Variants in SMCO2 observed in about 807,000 individuals in gnomAD.
The protein encoded by SMCO2 is single-pass membrane protein with coiled-coil domains 2, also known as single-pass membrane and coiled-coil domain-containing protein 2.
SMCO2 carries 25 observed loss-of-function variants against 29.5 expected under a neutral mutation model. The observed-to-expected ratio is 0.85, with a 90% CI of 0.62 to 1.18. The LOEUF is 1.18. Ranked by LOEUF, SMCO2 falls within the 50% of genes most tolerant of loss-of-function variation. The pLI is 0.00. For synonymous variants in SMCO2, 117 were observed against 123.3 expected (o/e 0.95, Z 0.34); for missense variants, 348 against 344.5 (o/e 1.01, Z -0.08).
intron 4 of SMCO2, among the ~76,000 whole-genome samples, chr12:27,480,020 C>A (rs575380036): frequency 1.2e-4 from 18 of 152,254 alleles, no homozygotes; most frequent in Admixed American, 9.8e-4. Flanking sequence ...CCAGGGAAGC[C>A]AACAGCATAG....
chr12:27,468,734 A>C (rs920884667), intron 1 of SMCO2, among the ~76,000 whole-genome samples: 13 of 152,224 alleles, frequency 8.5e-5, no homozygotes, highest in African/African-American at 3.1e-4. Context: ...AGTAGCTGTG[A>C]GGACATGGAA....
chr12:27,437,686 G>A, the SMCO2 span, among the ~76,000 whole-genome samples: 1 of 152,046 alleles, frequency 6.6e-6, no homozygotes, highest in Non-Finnish European at 1.5e-5. Context: ...AAGAATCTAT[G>A]CACAGAGCTC....
intron 5 of SMCO2, among the ~76,000 whole-genome samples, chr12:27,491,413 T>C (rs1266845798): frequency 3.3e-5 from 5 of 152,148 alleles, no homozygotes; most frequent in Admixed American, 3.3e-4. Context: ...CCCAGTTATC[T>C]TTGATAAGTG....
At chr12:27,497,332 C>A in intron 7 of SMCO2, 1 of 173,846 alleles carries the variant, frequency 5.8e-6, no homozygotes, top group East Asian at 1.5e-4. Flanking sequence ...AATAATTCTT[C>A]TGTCAAGATA....
At chr12:27,484,946 C>G (rs991138596) in intron 4 of SMCO2, among the ~76,000 whole-genome samples, 1 of 129,446 alleles carries the variant, frequency 7.7e-6, no homozygotes, top group African/African-American at 2.7e-5. Context: ...CTTAATTTTT[C>G]TTTTGTTAAG....
At chr12:27,470,886 A>G (rs1949535826) in intron 2 of SMCO2, 121 bp downstream of exon 2, 3 of 1,128,838 alleles carry the variant, frequency 2.7e-6, no homozygotes, top group Non-Finnish European at 3.6e-6. Flanking sequence ...AGTCTTCACT[A>G]TAATTTATCT....
the SMCO2 span, among the ~76,000 whole-genome samples, chr12:27,460,921 C>T: frequency 5.9e-5 from 9 of 152,308 alleles, no homozygotes; most frequent in South Asian, 1.9e-3. Context: ...AAGGAAGACA[C>T]GGTTTCTGTG....
chr12:27,484,380 C>CA (rs1187353802), intron 4 of SMCO2, among the ~76,000 whole-genome samples: 2 of 151,672 alleles, frequency 1.3e-5, no homozygotes, highest in African/African-American at 4.8e-5. Context: ...CTCTCAAAAA[C>CA]AAAAAACAAA....
At chr12:27,464,716 CAAAAAAAA>C (rs767874837), upstream of SMCO2, among the ~76,000 whole-genome samples, 2 of 46,130 alleles carry the variant, frequency 4.3e-5, no homozygotes, top group South Asian at 1.5e-3. Flanking sequence ...GACCCTGTCT[CAAAAAAAA>C]AAAAAAAAAA....
At chr12:27,474,650 A>G in intron 3 of SMCO2, 136 bp from the exon 4 acceptor site, 1 of 947,732 alleles carries the variant, frequency 1.1e-6, no homozygotes, top group East Asian at 2.7e-5. Context: ...TAGCTTACAG[A>G]TGCATCAGAA....
intron 4 of SMCO2, among the ~76,000 whole-genome samples, chr12:27,478,646 A>G (rs1473911922): frequency 6.6e-6 from 1 of 152,062 alleles, no homozygotes; most frequent in Non-Finnish European, 1.5e-5. Context: ...GCTGGTCCCT[A>G]AGCCCCCAGG....
chr12:27,500,148 AT>A (rs34538178), intron 7 of SMCO2, among the ~76,000 whole-genome samples: 20,063 of 149,278 alleles, frequency 0.13, 2,753 homozygotes, highest in East Asian at 0.28. Context: ...TTAGTTAACT[AT>A]TTTTTTTTCC....
chr12:27,463,806 C>A (rs1021116897), upstream of SMCO2, among the ~76,000 whole-genome samples: 2 of 152,082 alleles, frequency 1.3e-5, no homozygotes, highest in Non-Finnish European at 2.9e-5. Flanking sequence ...ATGTAATATG[C>A]AATGTGTCGT....
chr12:27,438,331 A>G, the SMCO2 span, among the ~76,000 whole-genome samples: 1 of 152,100 alleles, frequency 6.6e-6, no homozygotes, highest in African/African-American at 2.4e-5. Flanking sequence ...CTTTACTACC[A>G]TTAATTGATG....
At chr12:27,492,875 ATGAACGTGAATGTTCAC>A (rs1450728987) in intron 5 of SMCO2, among the ~76,000 whole-genome samples, 1 of 152,224 alleles carries the variant, frequency 6.6e-6, no homozygotes, top group Non-Finnish European at 1.5e-5. Flanking sequence ...ATAAAGACAC[ATGAACGTGAATGTTCAC>A]TGAAGCACTA....
At chr12:27,431,348 G>A in the SMCO2 span, among the ~76,000 whole-genome samples, 2 of 152,082 alleles carry the variant, frequency 1.3e-5, no homozygotes, top group African/African-American at 4.8e-5. Context: ...CACATTTAGT[G>A]GTTAACTGTA....
chr12:27,438,284 C>T, the SMCO2 span, among the ~76,000 whole-genome samples: 4 of 152,152 alleles, frequency 2.6e-5, no homozygotes, highest in Admixed American at 2.6e-4. Flanking sequence ...CTGCTTTCTA[C>T]TTGCTTTATT....
chr12:27,494,037 G>C (rs1160207258), intron 5 of SMCO2: 1 of 219,710 alleles, frequency 4.6e-6, no homozygotes, highest in South Asian at 1.8e-4. Flanking sequence ...AGAGAAGCAT[G>C]ATTTATTATT....
At chr12:27,490,426 C>A (rs1022470384) in intron 5 of SMCO2, among the ~76,000 whole-genome samples, 6 of 152,158 alleles carry the variant, frequency 3.9e-5, no homozygotes, top group African/African-American at 1.2e-4. Context: ...TATTCTATAT[C>A]TTCTTGTAGT....
Sources: gnomAD v4.1 joint callset for allele counts (sites outside exome capture counted in the v4.1 genomes callset) on GRCh38, gnomAD v4.1.1 for gene constraint, MANE v1.5 for transcripts, NCBI Gene and HGNC (gene_info 2026-07-23, HGNC 2026-07-21) for gene names.